ZNF479: variants seen among roughly 807,000 people sequenced by gnomAD.
ZNF479 encodes the protein zinc finger protein 479.
A neutral mutation model predicts 14.7 loss-of-function variants in ZNF479; 15 were observed. That is an observed-to-expected ratio of 1.02 (90% CI 0.68 to 1.57). The LOEUF (loss-of-function observed/expected upper bound fraction) is 1.57. ZNF479 is among the 40% of genes most tolerant of loss of function. The probability of loss-of-function intolerance (pLI) is 0.00; values close to 1 mark genes in which losing one functional copy is unlikely to be tolerated. For missense variants in ZNF479, 506 were observed against 615.1 expected (o/e 0.82, Z 1.88); for synonymous variants, 145 against 211.5 (o/e 0.69, Z 2.73).
chr7:57,137,059 G>A (rs1047975166), upstream of ZNF479, among the ~76,000 whole-genome samples: 5 of 152,168 alleles, frequency 3.3e-5, no homozygotes, highest in African/African-American at 1.2e-4. Context: ...TTATGGTAGT[G>A]AAGTTCAAAA....
intron 3 of ZNF479, among the ~76,000 whole-genome samples, chr7:57,124,897 A>T (rs575310816): frequency 1.8e-4 from 28 of 152,252 alleles, no homozygotes; most frequent in Admixed American, 1.8e-3. Flanking sequence ...CAACATGGTG[A>T]AACCCACCAC....
chr7:57,135,739 C>CT (rs1786616970), upstream of ZNF479, among the ~76,000 whole-genome samples: 1 of 152,130 alleles, frequency 6.6e-6, no homozygotes, highest in Admixed American at 6.6e-5. Context: ...TTGCCTTGCA[C>CT]TTTTTGCTAG....
chr7:57,120,576 C>A lies in ZNF479; in HGVS notation c.839G>T (p.Arg280Leu). 6.2e-7 allele frequency: 1 copy of A among 1,611,370 alleles called. No homozygotes were observed. ...TCEECGQAFR[R>L]SSALTNHKRI... ...CTTGTGGTTAGTAAGTGCTGAGGAG[C>A]GCCTAAAGGCTTGGCCACATTCTTC... Residue 280 changes from arginine to leucine, a missense_variant, in exon 4 of 4, where the codon CGC (arginine) becomes CTC (leucine). Arg to Leu is a moderately radical substitution (Grantham distance 102). Coordinates refer to ENST00000319636, the MANE Select transcript of ZNF479 (RefSeq NM_001370129.2).
Position 57,120,903 on chromosome 7 carries a change from T to C in ZNF479, c.512A>G (p.Asn171Ser). 6.2e-7 allele frequency: 1 copy of C among 1,613,884 alleles called. No individual in the cohort carries two copies. Among genetic ancestry groups the C allele is most frequent in the South Asian group, 1.1e-5 (1 of 91,060 alleles). Reference protein sequence around the residue: ...KYVKVFGKFSNSNRDKTRYTG... With the variant: ...KYVKVFGKFSSSNRDKTRYTG... Reference sequence around the variant, plus strand: ...ATATCTTGTTTTATCTCTATTGGAATTTGAAAATTTACCAAAGACTTTGAC... The same window carrying C: ...ATATCTTGTTTTATCTCTATTGGAACTTGAAAATTTACCAAAGACTTTGAC... Residue 171 changes from asparagine (N) to serine (S), a missense_variant, in exon 4 of 4, where the codon AAT becomes AGT. Physicochemically the swap from Asn to Ser is conservative, Grantham distance 46 (BLOSUM62 1). Transcript: ENST00000319636.
chr7:57,136,602 A>AAAACCTTT (rs1786664532), upstream of ZNF479, among the ~76,000 whole-genome samples: 1 of 152,224 alleles, frequency 6.6e-6, no homozygotes, highest in African/African-American at 2.4e-5. Context: ...TGAGCAGTTA[A>AAAACCTTT]AAACCTTTGC....
At position 57,120,746 on chromosome 7, in the gene ZNF479, G is replaced by C. The variant is rs540633169; in HGVS notation, c.669C>G (p.Asn223Lys). ...YKCKECGKSF[N>K]CSSNHTTHKI... ...TATGTGTAGTATGGTTTGAGGAGCA[G>C]TTAAAGGATTTGCCACATTCTTTGC... is the stretch of plus-strand genomic sequence containing the variant. Residue 223 changes from asparagine to lysine, a missense_variant, in exon 4 of 4, where the codon AAC (asparagine) becomes AAG (lysine). Physicochemically the swap from Asn to Lys is moderately conservative, Grantham distance 94. Transcript: ENST00000319636. 30 of 1,612,856 alleles carry C rather than the reference G, an allele frequency of 1.9e-5. No individual in the cohort carries two copies. The Admixed American group carries it at 5.0e-4, about 27-fold the overall frequency.
Position 57,120,470 on chromosome 7 carries a change from G to C in ZNF479, c.945C>G (p.His315Gln), listed in dbSNP as rs201085269. The change falls in exon 4 of 4, where the codon CAC (histidine) becomes CAG (glutamine). Residue 315 changes from histidine to glutamine, a missense_variant. Around this residue, in one of 3 missense-constraint regions of ZNF479, gnomAD observed 420 missense variants for 474.2 expected, o/e 0.89. Transcript: ENST00000319636. ...GTTTCTCTCCAGTATGAATTCTCTT[G>C]TGGTCAGTGAGGGTTGAGGATACGC... ...AFSVSSTLTD[H>Q]KRIHTGEKPC... The C allele has an allele frequency of 9.3e-5, 150 of 1,606,986 alleles. 1 individual carries two copies. The highest frequency in any genetic ancestry group is 2.4e-5 in the Non-Finnish European group (28 of 1,178,220).
upstream of ZNF479, among the ~76,000 whole-genome samples, chr7:57,132,794 T>C (rs1786494535): frequency 6.6e-6 from 1 of 152,210 alleles, no homozygotes; most frequent in Non-Finnish European, 1.5e-5. Context: ...CTGCGGATCC[T>C]TTGCAGTGAC....
At chr7:57,133,017 C>T (rs1047097699), upstream of ZNF479, among the ~76,000 whole-genome samples, 3 of 152,076 alleles carry the variant, frequency 2.0e-5, no homozygotes, top group African/African-American at 4.8e-5. Context: ...GCCTGTAGTC[C>T]CGGCTACTCG....
upstream of ZNF479, chr7:57,132,439 C>A: frequency 6.5e-7 from 1 of 1,531,894 alleles, no homozygotes; most frequent in Non-Finnish European, 9.0e-7. Flanking sequence ...ACACAAAGGA[C>A]CCGCAAAATT....
In ZNF479 at chr7:57,120,659, C is replaced by A. The variant is rs1554400253; in HGVS notation, c.756G>T (p.Trp252Cys). The change falls in exon 4 of 4, where the codon TGG becomes TGT. Residue 252 changes from tryptophan (W) to cysteine (C), a missense_variant. Around this residue, in one of 3 missense-constraint regions of ZNF479, gnomAD observed 420 missense variants for 474.2 expected, o/e 0.89. Transcript: ENST00000319636. Reference sequence around the variant, plus strand: ...TCTTATGTCTAGTAAGGTTTGCAGACCAGCTAAAGGCTTTGCCACATTCCT... The same window carrying A: ...TCTTATGTCTAGTAAGGTTTGCAGAACAGCTAAAGGCTTTGCCACATTCCT... ...RCEECGKAFS[W>C]SANLTRHKRT... 6.2e-7 allele frequency: 1 copy of A among 1,613,720 alleles called. No homozygotes were observed. Among genetic ancestry groups the A allele is most frequent in the Non-Finnish European group, 8.5e-7 (1 of 1,179,834 alleles).
chr7:57,130,710 C>A (rs1165526567), intron 1 of ZNF479, among the ~76,000 whole-genome samples: 1 of 152,102 alleles, frequency 6.6e-6, no homozygotes, highest in African/African-American at 2.4e-5. Flanking sequence ...GGCATTTTGA[C>A]AAAAACCTGA....
intron 1 of ZNF479, among the ~76,000 whole-genome samples, chr7:57,130,854 G>A (rs576363303): frequency 1.6e-4 from 25 of 152,174 alleles, no homozygotes; most frequent in Non-Finnish European, 3.2e-4. Flanking sequence ...AAATAATCCT[G>A]TATGTCTTCA....
rs1386985515 is a variant in ZNF479, at chr7:57,118,920, A to G, written c.*920T>C. 6.6e-6 allele frequency among the ~76,000 whole-genome samples: 1 copy of G among 152,200 alleles called. No individual in the cohort carries two copies. The highest frequency in any genetic ancestry group is 1.5e-5 in the Non-Finnish European group (1 of 68,036). On this transcript the variant is annotated 3_prime_UTR_variant, in exon 4 of 4. Transcript: ENST00000319636. The stretch of plus-strand genomic sequence containing the variant: ...CTTGCCACATTTAACACATTTCTAG[A>G]GTTTCTCACCAGTATGATTTCTCTT...
At chr7:57,134,627 C>T (rs1786563734), upstream of ZNF479, among the ~76,000 whole-genome samples, 1 of 149,520 alleles carries the variant, frequency 6.7e-6, no homozygotes, top group Non-Finnish European at 1.5e-5. Context: ...TTTGCTTTTG[C>T]TTTGCACTGC....
rs1192313145 is a variant in ZNF479, at chr7:57,132,294, G to A, written c.31C>T (p.Arg11Ter). The change falls in exon 1 of 4, where the codon CGA (arginine) becomes TGA (stop). Residue 11 changes from arginine to a stop codon, truncating the protein, a stop_gained. Transcript: ENST00000319636. LOFTEE classifies it high-confidence loss of function. ...ACAGACCCAGCACTCACCATTTCTC[G>A]GCTTCCAGGGGGTCCTGGTCTTTTA... is the stretch of plus-strand genomic sequence containing the variant. MAKRPGPPGSREMGLLTFRDI... is the reference protein window; with the variant it reads MAKRPGPPGS 5.6e-6 allele frequency: 9 copies of A among 1,613,822 alleles called. No individual in the cohort carries two copies. Among genetic ancestry groups the A allele is most frequent in the African/African-American group, 1.3e-5 (1 of 74,822 alleles).
intron 1 of ZNF479, among the ~76,000 whole-genome samples, chr7:57,130,486 T>A (rs1372335385): frequency 4.0e-5 from 6 of 149,270 alleles, no homozygotes; most frequent in Non-Finnish European, 8.9e-5. Context: ...AAAAAAAAAA[T>A]TCAAAGGAAC....
rs1232194594 is a variant in ZNF479, at chr7:57,119,511, G to A, written c.*329C>T. The stretch of plus-strand genomic sequence containing the variant: ...AATCCCAGCTACTCAGGAGGCTGAG[G>A]CAGGAGAATCGCTTGAACCCGGAAG... On this transcript the variant is annotated 3_prime_UTR_variant, in exon 4 of 4. Transcript: ENST00000319636. The A allele has an allele frequency of 2.0e-5, 5 of 249,888 alleles. No homozygotes were observed. The highest frequency in any genetic ancestry group is 3.1e-5 in the Non-Finnish European group (4 of 128,328). 15.5% of individuals were successfully genotyped at this position (249,888 alleles called of 1,614,324 possible).
upstream of ZNF479, among the ~76,000 whole-genome samples, chr7:57,132,783 G>A (rs1452078969): frequency 6.6e-6 from 1 of 152,104 alleles, no homozygotes; most frequent in Non-Finnish European, 1.5e-5. Context: ...GACCTTCCTT[G>A]CTGCGGATCC....
Sources: gnomAD v4.1 joint callset for allele counts (sites outside exome capture counted in the v4.1 genomes callset) on GRCh38, gnomAD v4.1.1 for gene constraint, gnomAD v4.1.1 regional missense constraint, MANE v1.5 for transcripts, NCBI Gene and HGNC (gene_info 2026-07-23, HGNC 2026-07-21) for gene names.